NUP188: variants seen among roughly 807,000 people sequenced by gnomAD.
NUP188 encodes nucleoporin NUP188.
NUP188 carries 97 observed loss-of-function variants against 223.0 expected under a neutral mutation model. The observed-to-expected ratio is 0.43, with a 90% confidence interval of 0.37 to 0.51. The LOEUF is 0.51. NUP188 is among the 20% of genes least tolerant of loss of function. The pLI, the probability that NUP188 is intolerant of heterozygous loss-of-function variation, is 0.00. For missense variants in NUP188, 1,947 were observed against 2,175.6 expected, an observed-to-expected ratio of 0.89 and a Z score of 2.09; for synonymous variants, 869 against 828.0, an observed-to-expected ratio of 1.05 and a Z score of -0.85.
intron 34 of NUP188, 144 bp from the exon 35 acceptor site, chr9:129,001,385 A>T: frequency 3.0e-6 from 2 of 675,244 alleles, no homozygotes; most frequent in Non-Finnish European, 5.3e-6. Context: ...AGGGTGGGAG[A>T]GAGTGTGCAT....
chr9:128,951,828 T>C (rs921046401), intron 2 of NUP188, among the ~76,000 whole-genome samples: 30 of 151,342 alleles, frequency 2.0e-4, no homozygotes, highest in Non-Finnish European at 5.9e-5. Context: ...GTTTCGTGCT[T>C]GTTGTCCTGG....
At chr9:128,981,753 A>G (rs1191638333) in intron 15 of NUP188, among the ~76,000 whole-genome samples, 1 of 152,074 alleles carries the variant, frequency 6.6e-6, no homozygotes, top group Admixed American at 6.6e-5. Flanking sequence ...TGTTCTTTGC[A>G]CTCAAGTGAT....
intron 34 of NUP188, among the ~76,000 whole-genome samples, chr9:129,001,301 GGTCA>G (rs1389719299): frequency 1.3e-5 from 2 of 152,130 alleles, no homozygotes; most frequent in Admixed American, 1.3e-4. Context: ...GGGTAGCTCT[GGTCA>G]GTTTAGGGTT....
intron 38 of NUP188, among the ~76,000 whole-genome samples, chr9:129,004,315 C>A (rs1037451362): frequency 6.6e-6 from 1 of 150,512 alleles, no homozygotes; most frequent in South Asian, 2.1e-4. Context: ...CTAAACAAAA[C>A]CAAAAAAACA....
intron 30 of NUP188, among the ~76,000 whole-genome samples, chr9:128,997,428 C>T (rs1842547862): frequency 6.6e-6 from 1 of 152,160 alleles, no homozygotes. Context: ...GGAGGTGAAC[C>T]TGGGCTTGAT....
chr9:128,958,824 A>G lies in NUP188; in HGVS notation c.395A>G (p.Glu132Gly), dbSNP rs1207887399. The G allele has an allele frequency of 2.5e-6, 4 of 1,590,182 alleles. No homozygotes were observed. In the Admixed American group the frequency reaches 5.1e-5, roughly 20 times the overall value. The change falls in exon 7 of 44, where the codon GAA (glutamate) becomes GGA (glycine). Residue 132 changes from glutamate to glycine, a missense_variant. This residue lies in a region of NUP188 where 817 missense variants were observed against 865.8 expected (regional missense o/e 0.94). Coordinates refer to ENST00000372577, the MANE Select transcript of NUP188 (RefSeq NM_015354.3). Reference protein sequence around the residue: ...ILKIADYYYEERTCILRCVLH... With the variant: ...ILKIADYYYEGRTCILRCVLH... The stretch of plus-strand genomic sequence containing the variant: ...CAGATTGCAGATTATTATTATGAAG[A>G]AAGAACCTGTATTCTTCGTTGTGTC...
chr9:128,949,838 A>G (rs1841754179), intron 2 of NUP188, among the ~76,000 whole-genome samples: 2 of 151,314 alleles, frequency 1.3e-5, no homozygotes, highest in African/African-American at 4.9e-5. Flanking sequence ...CATGTTGGCC[A>G]GGCTGGTGTT....
At chr9:128,963,908 C>T (rs1029829203) in intron 8 of NUP188, among the ~76,000 whole-genome samples, 6 of 151,874 alleles carry the variant, frequency 4.0e-5, no homozygotes, top group Admixed American at 3.3e-4. Flanking sequence ...CCTCTGCCTC[C>T]TGAGTTCAAG....
At chr9:128,982,862 G>A in intron 16 of NUP188, 40 bp from the exon 17 acceptor site, 2 of 1,612,652 alleles carry the variant, frequency 1.2e-6, no homozygotes, top group Non-Finnish European at 1.7e-6. Flanking sequence ...ATCTTAAAGG[G>A]GTTGTTTGCC....
intron 10 of NUP188, 88 bp from the exon 11 acceptor site, chr9:128,970,670 C>T: frequency 8.9e-7 from 1 of 1,121,276 alleles, no homozygotes; most frequent in Non-Finnish European, 1.3e-6. Context: ...CTCTTTATGG[C>T]TTGCTTATTG....
chr9:129,003,694 C>G, intron 38 of NUP188: 1 of 598,248 alleles, frequency 1.7e-6, no homozygotes, highest in South Asian at 1.6e-5. Flanking sequence ...GGTTCAGATC[C>G]CTTAAGAATA....
At chr9:128,981,436 G>C (rs1443163834) in intron 15 of NUP188, 46 bp downstream of exon 15, 1 of 1,374,346 alleles carries the variant, frequency 7.3e-7, no homozygotes, top group Admixed American at 2.2e-5. Flanking sequence ...TTTTTTTTTT[G>C]ATGTCTTGCT....
chr9:128,978,774 A>G (rs1842214949), intron 12 of NUP188, among the ~76,000 whole-genome samples: 1 of 151,960 alleles, frequency 6.6e-6, no homozygotes. Context: ...CAGTGGCATG[A>G]TCTCGGCTCA....
At chr9:129,004,810 C>T (rs918678879) in intron 38 of NUP188, 2 of 305,178 alleles carry the variant, frequency 6.6e-6, no homozygotes, top group African/African-American at 2.1e-5. Flanking sequence ...GCCTCATCTT[C>T]TTTACTTTAG....
At chr9:128,962,692 G>A (rs955107261) in intron 8 of NUP188, among the ~76,000 whole-genome samples, 6 of 151,896 alleles carry the variant, frequency 4.0e-5, no homozygotes, top group East Asian at 1.9e-4. Flanking sequence ...AAGAATAGCC[G>A]GCTGGGCTCA....
intron 17 of NUP188, 114 bp downstream of exon 17, chr9:128,983,142 TGGTTTTCCTGTTTTTATATCTGTGAG>T (rs1161939406): frequency 6.1e-6 from 9 of 1,472,588 alleles, no homozygotes; most frequent in East Asian, 2.3e-5. Flanking sequence ...GCATATTCCT[TGGTTTTCCTGTTTTTATATCTGTGAG>T]GGTTTTCCTG....
chr9:128,983,476 C>G lies in NUP188; in HGVS notation c.1887C>G (p.Val629=). Residue 629 remains valine, a splice_region_variant and synonymous_variant, in exon 19 of 44, where the codon GTC becomes GTG. Transcript: ENST00000372577. ...TAACTCTTCCTTTTCCTTCTCAGGT[C>G]TGGACTGATCTTCGTCACACAGGTT... is the stretch of plus-strand genomic sequence containing the variant. ...TVLAARNPAK[V]WTDLRHTGFL... is the part of the protein sequence containing the mutation. 1.2e-6 allele frequency: 2 copies of G among 1,614,050 alleles called. No individual in the cohort carries two copies. The highest frequency in any genetic ancestry group is 3.3e-5 in the Admixed American group (2 of 60,020).
In NUP188 at chr9:129,001,651, G is replaced by A. The variant is rs752413521; in HGVS notation, c.3966G>A (p.Val1322=). 5 of 1,613,942 alleles carry A rather than the reference G, an allele frequency of 3.1e-6. No homozygotes were observed. The highest frequency in any genetic ancestry group is 4.2e-6 in the Non-Finnish European group (5 of 1,180,002). Residue 1322 remains valine (V), a synonymous_variant, in exon 35 of 44, where the codon GTG becomes GTA. Coordinates refer to ENST00000372577, the MANE Select transcript of NUP188 (RefSeq NM_015354.3). The part of the protein sequence containing the change: ...ILPTLLTTLE[V]SLRMKQNLHF... ...CCACCCTCCTCACCACTCTAGAGGT[G>A]AGCCTTCGCATGAAGCAGAACCTGC...
Position 128,949,223 on chromosome 9 carries a change from A to G in NUP188, c.67A>G (p.Arg23Gly), listed in dbSNP as rs753044739. ...SRELWTILLG[R>G]SALRELSQIE... is the part of the protein sequence containing the mutation. ...AGAACTGTGGACTATTCTGCTTGGA[A>G]GGTCAGCTCTGAGAGAGCTGGTAAG... The change falls in exon 2 of 44, where the codon AGG becomes GGG. Residue 23 changes from arginine to glycine, a missense_variant. Arg to Gly is a moderately radical substitution (Grantham distance 125). Coordinates refer to ENST00000372577, the MANE Select transcript of NUP188 (RefSeq NM_015354.3). 6.2e-7 allele frequency: 1 copy of G among 1,613,318 alleles called. No homozygotes were observed. The highest frequency in any genetic ancestry group is 1.1e-5 in the South Asian group (1 of 91,050).
Sources: gnomAD v4.1 joint callset for allele counts (sites outside exome capture counted in the v4.1 genomes callset) on GRCh38, gnomAD v4.1.1 for gene constraint, gnomAD v4.1.1 regional missense constraint, MANE v1.5 for transcripts, NCBI Gene and HGNC (gene_info 2026-07-23, HGNC 2026-07-21) for gene names.